The following PTK2 variants were observed in gnomAD, a reference collection of about 807,000 sequenced individuals.
PTK2 encodes protein tyrosine kinase 2, also known as focal adhesion kinase 1.
A neutral mutation model predicts 150.1 loss-of-function variants in PTK2; 45 were observed. The observed-to-expected ratio is 0.30, with a 90% CI of 0.24 to 0.38. The LOEUF (loss-of-function observed/expected upper bound fraction) is 0.38. Ranked by LOEUF, PTK2 falls within the 10% of genes least tolerant of loss-of-function variation. PTK2 has a pLI of 1.00. For synonymous variants in PTK2, 432 were observed against 449.2 expected (o/e 0.96, Z 0.48); for missense variants, 919 against 1,307.3 (o/e 0.70, Z 4.58).
At chr8:140,722,345 C>T (rs1592168887) in intron 22 of PTK2, among the ~76,000 whole-genome samples, 1 of 152,178 alleles carries the variant, frequency 6.6e-6, no homozygotes. Flanking sequence ...CACGATCATT[C>T]CTGGACTCAA....
chr8:140,979,455 G>A (rs2100190577), intron 1 of PTK2, among the ~76,000 whole-genome samples: 1 of 146,232 alleles, frequency 6.8e-6, no homozygotes, highest in Admixed American at 6.8e-5. Flanking sequence ...AGACAAAACA[G>A]ATAGCAAATA....
chr8:140,694,032 C>T (rs374887647), intron 26 of PTK2, among the ~76,000 whole-genome samples: 2 of 148,082 alleles, frequency 1.4e-5, no homozygotes, highest in East Asian at 2.0e-4. Flanking sequence ...ATCTTTTTTT[C>T]TTTTCTTTTC....
At chr8:140,790,069 A>G (rs1039002581) in intron 13 of PTK2, among the ~76,000 whole-genome samples, 1 of 152,190 alleles carries the variant, frequency 6.6e-6, no homozygotes, top group African/African-American at 2.4e-5. Context: ...GTTTAACACT[A>G]GTTTTACATA....
chr8:140,723,274 T>C (rs1038420753), intron 22 of PTK2, among the ~76,000 whole-genome samples: 17 of 152,366 alleles, frequency 1.1e-4, no homozygotes, highest in Middle Eastern at 3.4e-3. Context: ...CACTTTGATA[T>C]TTAATTAAAC....
chr8:140,816,205 G>A (rs1327539106), intron 10 of PTK2, among the ~76,000 whole-genome samples: 1 of 152,002 alleles, frequency 6.6e-6, no homozygotes, highest in Non-Finnish European at 1.5e-5. Flanking sequence ...AATTGTAAGT[G>A]GCAAGAAAAA....
intron 1 of PTK2, among the ~76,000 whole-genome samples, chr8:140,933,978 T>C (rs1253825385): frequency 6.7e-6 from 1 of 148,816 alleles, no homozygotes; most frequent in Non-Finnish European, 1.5e-5. Flanking sequence ...ATAAAATAAA[T>C]GACATAGAGC....
At chr8:141,001,257 G>GCGT (rs1263121310), upstream of PTK2, 1 of 147,520 alleles carries the variant, frequency 6.8e-6, no homozygotes, top group Non-Finnish European at 1.5e-5. Flanking sequence ...GGCGGCGGCG[G>GCGT]CGCGGGCTCG....
At chr8:140,919,093 C>G (rs2100166414) in intron 2 of PTK2, among the ~76,000 whole-genome samples, 1 of 152,176 alleles carries the variant, frequency 6.6e-6, no homozygotes, top group Admixed American at 6.5e-5. Context: ...AACAGGATGA[C>G]AGCTCCCAGG....
chr8:140,750,114 C>T (rs1279625525), intron 17 of PTK2: 2 of 152,126 alleles, frequency 1.3e-5, no homozygotes, highest in Non-Finnish European at 2.9e-5. Context: ...AAGTCATTGG[C>T]CAGGCCTTCT....
At chr8:140,929,453 C>A (rs1364602170) in intron 1 of PTK2, among the ~76,000 whole-genome samples, 1 of 152,084 alleles carries the variant, frequency 6.6e-6, no homozygotes, top group East Asian at 1.9e-4. Flanking sequence ...TGACTAAGGG[C>A]TTATATTGTT....
chr8:140,819,049 GT>G, intron 8 of PTK2, 29 bp from the exon 9 acceptor site: 2 of 1,605,710 alleles, frequency 1.2e-6, no homozygotes, highest in Non-Finnish European at 1.7e-6. Flanking sequence ...AAAACATCTT[GT>G]AAAAATCAGC....
At chr8:140,893,832 T>C (rs1312193886) in intron 2 of PTK2, among the ~76,000 whole-genome samples, 1 of 152,182 alleles carries the variant, frequency 6.6e-6, no homozygotes, top group Non-Finnish European at 1.5e-5. Context: ...TGTCAAATAA[T>C]TTTTTTAAAA....
chr8:140,732,611 G>C (rs1182379616), intron 22 of PTK2: 1 of 528,274 alleles, frequency 1.9e-6, no homozygotes, highest in South Asian at 1.4e-5. Flanking sequence ...AGTCTAGTAG[G>C]GGATGAGACA....
At chr8:140,796,057 C>G (rs1453900255) in intron 12 of PTK2, among the ~76,000 whole-genome samples, 1 of 152,184 alleles carries the variant, frequency 6.6e-6, no homozygotes, top group African/African-American at 2.4e-5. Flanking sequence ...CCTAAGGTTA[C>G]GGTAAGACTT....
intron 27 of PTK2, among the ~76,000 whole-genome samples, chr8:140,677,449 C>A (rs1477912740): frequency 6.6e-6 from 1 of 152,218 alleles, no homozygotes; most frequent in Non-Finnish European, 1.5e-5. Flanking sequence ...TGAAACTGCA[C>A]TTAAAATAGT....
chr8:140,686,826 C>T (rs1181916181), intron 26 of PTK2, 132 bp from the exon 30 acceptor site: 1 of 777,668 alleles, frequency 1.3e-6, no homozygotes, highest in African/African-American at 1.8e-5. Flanking sequence ...TCCCCCGTTT[C>T]AAAAAAATTC....
chr8:140,978,744 A>T (rs888414708), intron 1 of PTK2, among the ~76,000 whole-genome samples: 68 of 152,132 alleles, frequency 4.5e-4, no homozygotes, highest in South Asian at 1.5e-3. Flanking sequence ...CATTTGACCC[A>T]GCCATCCCAT....
intron 2 of PTK2, among the ~76,000 whole-genome samples, chr8:140,892,923 T>C (rs1292182940): frequency 6.6e-6 from 1 of 152,176 alleles, no homozygotes; most frequent in Non-Finnish European, 1.5e-5. Context: ...GCAACTACTA[T>C]GAAAATAGTT....
chr8:140,676,943 C>CA (rs71320398), intron 27 of PTK2, among the ~76,000 whole-genome samples: 22,728 of 85,808 alleles, frequency 0.26, 3,013 homozygotes, highest in Admixed American at 0.36. Flanking sequence ...GACTCCATCT[C>CA]AAAAAAAAAA....
Sources: allele counts gnomAD v4.1 joint callset (sites outside exome capture counted in the v4.1 genomes callset), GRCh38; gene constraint gnomAD v4.1.1; transcripts MANE v1.5; gene names NCBI Gene and HGNC (gene_info 2026-07-23, HGNC 2026-07-21).